GABRG2: variants seen among roughly 807,000 people sequenced by gnomAD.
GABRG2 encodes gamma-aminobutyric acid type A receptor subunit gamma2.
A neutral mutation model predicts 56.4 loss-of-function variants in GABRG2; 16 were observed. The observed-to-expected ratio is 0.28, with a 90% confidence interval of 0.19 to 0.43. The LOEUF is 0.43. Ranked by LOEUF, GABRG2 falls within the 20% of genes least tolerant of loss-of-function variation. The probability of loss-of-function intolerance (pLI) is 1.00; values close to 1 mark genes in which losing one functional copy is unlikely to be tolerated. For missense variants in GABRG2, 327 were observed against 582.7 expected (o/e 0.56, Z 4.52); for synonymous variants, 208 against 205.5 (o/e 1.01, Z -0.10).
intron 1 of GABRG2, among the ~76,000 whole-genome samples, chr5:162,086,433 A>G (rs973035117): frequency 1.3e-5 from 2 of 152,084 alleles, no homozygotes; most frequent in African/African-American, 4.8e-5. Flanking sequence ...AAACTTGATT[A>G]GTTTGTTTTC....
intron 6 of GABRG2, among the ~76,000 whole-genome samples, chr5:162,127,074 T>A (rs976798116): frequency 2.0e-5 from 3 of 151,902 alleles, no homozygotes; most frequent in African/African-American, 7.2e-5. Context: ...CGTGGCACTC[T>A]TAAGGATGAA....
chr5:162,085,826 G>A (rs566133975), intron 1 of GABRG2, among the ~76,000 whole-genome samples: 9 of 151,706 alleles, frequency 5.9e-5, no homozygotes, highest in South Asian at 2.1e-4. Context: ...AAGAATATGC[G>A]GTATTTGGTT....
chr5:162,117,765 T>C (rs1762717717), intron 6 of GABRG2, among the ~76,000 whole-genome samples: 1 of 152,100 alleles, frequency 6.6e-6, no homozygotes, highest in African/African-American at 2.4e-5. Context: ...CAAAACAGAA[T>C]TGCCATTTCA....
At chr5:162,070,706 T>G (rs1758605560) in intron 1 of GABRG2, among the ~76,000 whole-genome samples, 1 of 152,144 alleles carries the variant, frequency 6.6e-6, no homozygotes, top group African/African-American at 2.4e-5. Flanking sequence ...GTGAAATAGT[T>G]AATTTCTGAA....
At chr5:162,151,410 A>T (rs1581458885) in intron 8 of GABRG2, 1 of 260,524 alleles carries the variant, frequency 3.8e-6, no homozygotes, top group East Asian at 8.7e-5. Context: ...TAGAAAATAG[A>T]ATCATAGTAT....
At chr5:162,118,452 G>T (rs866787795) in intron 6 of GABRG2, among the ~76,000 whole-genome samples, 1 of 151,938 alleles carries the variant, frequency 6.6e-6, no homozygotes. Context: ...CCCATAACTG[G>T]ACATATTATC....
intron 6 of GABRG2, among the ~76,000 whole-genome samples, chr5:162,110,780 A>T (rs1164561068): frequency 2.0e-5 from 3 of 152,168 alleles, no homozygotes; most frequent in African/African-American, 7.2e-5. Context: ...AGTCAATACT[A>T]AATTTTTCAA....
At chr5:162,077,312 A>G (rs1351930483) in intron 1 of GABRG2, among the ~76,000 whole-genome samples, 1 of 152,100 alleles carries the variant, frequency 6.6e-6, no homozygotes, top group Non-Finnish European at 1.5e-5. Flanking sequence ...GCTCAACATA[A>G]TATTTCTGAG....
At position 162,151,759 on chromosome 5, in the gene GABRG2, A is replaced by C. The variant is rs1331568635; in HGVS notation, c.1152+6A>C. The stretch of plus-strand genomic sequence containing the variant: ...TTCGGATGTTTTCCTTCAAGGTATA[A>C]TGTTTTTGGAATGGAAATTCACTGC... On this transcript the variant is annotated splice_donor_region_variant and intron_variant, in intron 9 of 9. Coordinates refer to ENST00000639213, the MANE Select transcript of GABRG2 (RefSeq NM_198904.4). 6.2e-7 allele frequency: 1 copy of C among 1,610,292 alleles called. No homozygotes were observed. Among genetic ancestry groups the C allele is most frequent in the Non-Finnish European group, 8.5e-7 (1 of 1,177,424 alleles).
At chr5:162,075,199 A>G (rs1473545429) in intron 1 of GABRG2, among the ~76,000 whole-genome samples, 1 of 152,172 alleles carries the variant, frequency 6.6e-6, no homozygotes, top group Non-Finnish European at 1.5e-5. Context: ...TGAGAATATG[A>G]TGTTTGTCAT....
chr5:162,128,455 C>T (rs1763490618), intron 6 of GABRG2: 1 of 151,994 alleles, frequency 6.6e-6, no homozygotes. Context: ...TGCCACAGCT[C>T]TTCAAGGAAC....
At chr5:162,121,773 G>A (rs529677969) in intron 6 of GABRG2, among the ~76,000 whole-genome samples, 3 of 152,102 alleles carry the variant, frequency 2.0e-5, no homozygotes, top group African/African-American at 7.2e-5. Flanking sequence ...ATCATGAAGT[G>A]GAAGCATTTG....
At chr5:162,116,176 T>C (rs963725470) in intron 6 of GABRG2, among the ~76,000 whole-genome samples, 2 of 151,046 alleles carry the variant, frequency 1.3e-5, no homozygotes, top group African/African-American at 4.9e-5. Flanking sequence ...TTGGCCCTAT[T>C]TCTTTATCTA....
chr5:162,068,839 C>T (rs1758441956), intron 1 of GABRG2, among the ~76,000 whole-genome samples: 1 of 152,136 alleles, frequency 6.6e-6, no homozygotes, highest in Non-Finnish European at 1.5e-5. Flanking sequence ...CTGTTTACCT[C>T]TACTCCCTCC....
At chr5:162,117,648 ATTTAAAATAT>A (rs1762711013) in intron 6 of GABRG2, among the ~76,000 whole-genome samples, 3 of 152,148 alleles carry the variant, frequency 2.0e-5, no homozygotes, top group Admixed American at 6.6e-5. Flanking sequence ...GCTAACAATA[ATTTAAAATAT>A]TGCCATATGG....
At chr5:162,136,277 T>G (rs1764118078) in intron 6 of GABRG2, among the ~76,000 whole-genome samples, 1 of 152,166 alleles carries the variant, frequency 6.6e-6, no homozygotes, top group African/African-American at 2.4e-5. Context: ...ACTGTCCAAT[T>G]GAATGTTCCA....
chr5:162,093,793 T>C (rs2284781), intron 1 of GABRG2, 35 bp from the exon 2 acceptor site: 2 of 1,599,924 alleles, frequency 1.3e-6, no homozygotes, highest in East Asian at 2.2e-5. Context: ...TTGTGTGTAA[T>C]CTATGTGTTT....
At chr5:162,135,482 G>A (rs1033669297) in intron 6 of GABRG2, among the ~76,000 whole-genome samples, 14 of 152,060 alleles carry the variant, frequency 9.2e-5, no homozygotes, top group Non-Finnish European at 1.9e-4. Flanking sequence ...TATGTCCCAG[G>A]CACTGTGCTA....
At chr5:162,131,504 C>A (rs1291268073) in intron 6 of GABRG2, among the ~76,000 whole-genome samples, 2 of 151,898 alleles carry the variant, frequency 1.3e-5, no homozygotes, top group African/African-American at 4.8e-5. Context: ...CCACTGTATT[C>A]TCTTCTTTCT....
Sources: allele counts gnomAD v4.1 joint callset (sites outside exome capture counted in the v4.1 genomes callset), GRCh38; gene constraint gnomAD v4.1.1; transcripts MANE v1.5; gene names NCBI Gene and HGNC (gene_info 2026-07-23, HGNC 2026-07-21).